The following STK32A variants were observed in gnomAD, a reference collection of about 807,000 sequenced individuals.
STK32A encodes serine/threonine kinase 32A.
In STK32A, 41 loss-of-function variants were observed where a neutral mutation model predicts 53.2. The observed-to-expected ratio is 0.77, with a 90% confidence interval of 0.60 to 1.00. The LOEUF (loss-of-function observed/expected upper bound fraction) is 1.00. STK32A is among the 50% of genes least tolerant of loss of function. The pLI is 0.00. For synonymous variants in STK32A, 166 were observed against 162.8 expected (o/e 1.02, Z -0.15); for missense variants, 458 against 485.8 (o/e 0.94, Z 0.54).
At chr5:147,259,060 T>C (rs1350932114) in intron 2 of STK32A, among the ~76,000 whole-genome samples, 2 of 152,156 alleles carry the variant, frequency 1.3e-5, no homozygotes, top group East Asian at 1.9e-4. Flanking sequence ...TGAATACTCA[T>C]TGTGTCTTTT....
At chr5:147,325,025 A>C (rs1283599586) in intron 5 of STK32A, among the ~76,000 whole-genome samples, 1 of 152,226 alleles carries the variant, frequency 6.6e-6, no homozygotes, top group Non-Finnish European at 1.5e-5. Context: ...AAGGACAAAC[A>C]GCTAACAAAT....
intron 4 of STK32A, among the ~76,000 whole-genome samples, chr5:147,297,611 A>C (rs79220773): frequency 0.057 from 8,628 of 152,260 alleles, 300 homozygotes; most frequent in South Asian, 0.091. Flanking sequence ...CTGCATGTTA[A>C]TATTTCAAAG....
chr5:147,350,518 C>T (rs148448763), intron 6 of STK32A, among the ~76,000 whole-genome samples: 12 of 151,994 alleles, frequency 7.9e-5, no homozygotes, highest in South Asian at 2.1e-4. Flanking sequence ...CCCATCACCA[C>T]GCCCAGCTAA....
intron 6 of STK32A, among the ~76,000 whole-genome samples, chr5:147,343,454 A>G (rs1755539133): frequency 6.6e-6 from 1 of 152,222 alleles, no homozygotes; most frequent in South Asian, 2.1e-4. Flanking sequence ...TTTTGTTCTC[A>G]TTGCATCTAC....
chr5:147,384,437 A>T lies in STK32A; in HGVS notation c.*454A>T. The T allele has an allele frequency of 1.8e-5, 27 of 1,534,252 alleles. No homozygotes were observed. Among genetic ancestry groups the T allele is most frequent in the Non-Finnish European group, 2.3e-5 (26 of 1,145,962 alleles). On this transcript the variant is annotated 3_prime_UTR_variant, in exon 13 of 13. Coordinates refer to ENST00000397936, the MANE Select transcript of STK32A (RefSeq NM_001112724.2). ...TTTTCAGACCTCGAAAGTTTCATAA[A>T]GTGGTCAGAATGCCCCAGGCTACTT...
intron 8 of STK32A, among the ~76,000 whole-genome samples, chr5:147,363,731 T>C (rs1020818891): frequency 1.3e-5 from 2 of 152,226 alleles, no homozygotes; most frequent in African/African-American, 4.8e-5. Context: ...TGATAACTAC[T>C]TGATTGTTCA....
At chr5:147,254,867 C>A (rs1324348617) in intron 2 of STK32A, among the ~76,000 whole-genome samples, 1 of 152,028 alleles carries the variant, frequency 6.6e-6, no homozygotes, top group Admixed American at 6.5e-5. Flanking sequence ...AGGCTGGGCG[C>A]GGTGGCTCAC....
chr5:147,251,219 T>A (rs1753982958), intron 2 of STK32A, among the ~76,000 whole-genome samples: 1 of 152,154 alleles, frequency 6.6e-6, no homozygotes, highest in South Asian at 2.1e-4. Context: ...GTTTTAATGC[T>A]CTGCACTTGC....
chr5:147,292,156 A>C (rs564495879), intron 4 of STK32A, among the ~76,000 whole-genome samples: 1 of 152,328 alleles, frequency 6.6e-6, no homozygotes, highest in African/African-American at 2.4e-5. Flanking sequence ...TGAGGGTACC[A>C]TGTAGACAAG....
intron 2 of STK32A, among the ~76,000 whole-genome samples, chr5:147,259,937 GTCTC>G (rs1232837231): frequency 6.9e-5 from 7 of 102,004 alleles, no homozygotes; most frequent in Non-Finnish European, 1.3e-4. Flanking sequence ...ACTCCTGGCT[GTCTC>G]TCTCTCTCTC....
At chr5:147,256,933 AT>A (rs1425546886) in intron 2 of STK32A, among the ~76,000 whole-genome samples, 1 of 152,122 alleles carries the variant, frequency 6.6e-6, no homozygotes, top group Non-Finnish European at 1.5e-5. Context: ...GGCGGTGGGG[AT>A]CAAAGAAATG....
rs115797626 is a variant in STK32A, at chr5:147,335,826, T to C, written c.435-7180T>C. Among the ~76,000 whole-genome samples, 858 of 152,234 alleles carry C rather than the reference T, an allele frequency of 5.6e-3. 13 individuals are homozygous for C. Among genetic ancestry groups the C allele is most frequent in the African/African-American group, 0.019 (799 of 41,552 alleles). On this transcript the variant is annotated intron_variant, in intron 5 of 12. Transcript: ENST00000397936. ...GTGTGCGCGCGTGCATGCGTGCGCG[T>C]GTGTGCGCGCATGTGTGCATGAATG... is the stretch of plus-strand genomic sequence containing the variant.
chr5:147,394,693 A>T, the STK32A span, among the ~76,000 whole-genome samples: 1 of 150,546 alleles, frequency 6.6e-6, no homozygotes, highest in Non-Finnish European at 1.5e-5. Context: ...AAAAAAAAAA[A>T]GGCAAAAACT....
At chr5:147,278,002 T>C in intron 2 of STK32A, 122 bp from the exon 3 acceptor site, 2 of 797,522 alleles carry the variant, frequency 2.5e-6, no homozygotes, top group Non-Finnish European at 4.1e-6. Flanking sequence ...GATTGGCATT[T>C]TAAGGTAGTC....
chr5:147,262,220 T>C (rs6890448), intron 2 of STK32A, among the ~76,000 whole-genome samples: 45,087 of 151,982 alleles, frequency 0.3, 7,064 homozygotes, highest in African/African-American at 0.36. Flanking sequence ...CCACTTCTGT[T>C]TGCCTCCAAA....
chr5:147,302,006 C>A (rs370189871), intron 4 of STK32A, among the ~76,000 whole-genome samples: 98 of 152,200 alleles, frequency 6.4e-4, no homozygotes, highest in African/African-American at 2.2e-3. Context: ...TTACATTGGG[C>A]CTACTTGGAT....
intron 4 of STK32A, among the ~76,000 whole-genome samples, chr5:147,311,795 C>T (rs993762165): frequency 1.3e-5 from 2 of 152,140 alleles, no homozygotes; most frequent in African/African-American, 2.4e-5. Context: ...CACTATGTTG[C>T]CCAGGCTGGC....
At chr5:147,340,291 C>T (rs963610680) in intron 5 of STK32A, among the ~76,000 whole-genome samples, 2 of 152,190 alleles carry the variant, frequency 1.3e-5, no homozygotes, top group Non-Finnish European at 2.9e-5. Context: ...TGGAGTCACT[C>T]TGGTCTGAAT....
chr5:147,379,230 T>A (rs958834444), intron 11 of STK32A, among the ~76,000 whole-genome samples: 11 of 151,868 alleles, frequency 7.2e-5, no homozygotes, highest in African/African-American at 2.7e-4. Context: ...GCTTGCCTGT[T>A]GTTGGTGTAT....
Sources: gnomAD v4.1 joint callset for allele counts (sites outside exome capture counted in the v4.1 genomes callset) on GRCh38, gnomAD v4.1.1 for gene constraint, MANE v1.5 for transcripts, NCBI Gene and HGNC (gene_info 2026-07-23, HGNC 2026-07-21) for gene names.